PLXNA2: variants seen among roughly 807,000 people sequenced by gnomAD.
PLXNA2 encodes plexin-A2.
PLXNA2 carries 91 observed loss-of-function variants against 193.5 expected under a neutral mutation model. The ratio of observed to expected loss-of-function variants is 0.47; its 90% confidence interval spans 0.40 to 0.56. The LOEUF is 0.56. Among genes scored for constraint, PLXNA2 ranks in the 20% least tolerant of loss-of-function variants. The pLI is 0.00. For synonymous variants in PLXNA2, 997 were observed against 1,027.3 expected (o/e 0.97, Z 0.56); for missense variants, 1,995 against 2,503.2 (o/e 0.80, Z 4.33).
chr1:208,027,729 T>G (rs1664383400), intron 31 of PLXNA2, among the ~76,000 whole-genome samples: 1 of 152,240 alleles, frequency 6.6e-6, no homozygotes, highest in Non-Finnish European at 1.5e-5. Context: ...ATAGTTTGAT[T>G]CATTAAGAGA....
intron 9 of PLXNA2, among the ~76,000 whole-genome samples, chr1:208,087,916 C>T (rs1178176398): frequency 2.0e-5 from 3 of 152,164 alleles, no homozygotes; most frequent in Non-Finnish European, 4.4e-5. Flanking sequence ...GGTATACACA[C>T]ACACACAGGC....
At chr1:208,113,890 C>A (rs1370515578) in intron 4 of PLXNA2, among the ~76,000 whole-genome samples, 1 of 151,980 alleles carries the variant, frequency 6.6e-6, no homozygotes, top group African/African-American at 2.4e-5. Flanking sequence ...GTGCTTATGG[C>A]CTTTTTAAGC....
chr1:208,084,292 C>T (rs970090623), intron 10 of PLXNA2, 88 bp downstream of exon 10: 157 of 1,411,078 alleles, frequency 1.1e-4, no homozygotes, highest in East Asian at 3.4e-4. Flanking sequence ...TGGAAGGCTC[C>T]GGAAGCCAGG....
intron 2 of PLXNA2, among the ~76,000 whole-genome samples, chr1:208,212,062 T>G (rs1049902474): frequency 2.0e-5 from 3 of 152,156 alleles, no homozygotes; most frequent in African/African-American, 7.2e-5. Flanking sequence ...CCGCATCCTG[T>G]GGCAGCTGTT....
intron 11 of PLXNA2, among the ~76,000 whole-genome samples, chr1:208,079,826 T>G (rs1432648982): frequency 6.6e-6 from 1 of 152,166 alleles, no homozygotes; most frequent in Non-Finnish European, 1.5e-5. Flanking sequence ...TAATGTATAT[T>G]AAGTGCTTAG....
At chr1:208,184,341 T>C (rs1256443706) in intron 3 of PLXNA2, among the ~76,000 whole-genome samples, 2 of 151,882 alleles carry the variant, frequency 1.3e-5, no homozygotes, top group Admixed American at 6.6e-5. Flanking sequence ...ACGCTGTCTG[T>C]AGCAAAAGAG....
At chr1:208,062,841 C>T (rs1324226396) in intron 12 of PLXNA2, among the ~76,000 whole-genome samples, 1 of 152,106 alleles carries the variant, frequency 6.6e-6, no homozygotes, top group East Asian at 1.9e-4. Context: ...TAAAAATATG[C>T]AACAATAATC....
At chr1:208,092,655 G>C in intron 9 of PLXNA2, 131 bp downstream of exon 9, 1 of 579,868 alleles carries the variant, frequency 1.7e-6, no homozygotes, top group African/African-American at 1.9e-5. Context: ...CTAGCATGCA[G>C]AATTTCTGGC....
Position 208,088,826 on chromosome 1 carries a change from G to A in PLXNA2, c.2097+3960C>T, listed in dbSNP as rs116766156. On this transcript the variant is annotated intron_variant, in intron 9 of 31. Transcript: ENST00000367033. ...TGGATTGACAATTGTTAATATTACC[G>A]CCTATTTGTGGTGTGTGTGCGTGTG... is the stretch of plus-strand genomic sequence containing the variant. 3.7e-3 allele frequency among the ~76,000 whole-genome samples: 571 copies of A among 152,274 alleles called. 6 individuals are homozygous for A. Among genetic ancestry groups the A allele is most frequent in the African/African-American group, 0.013 (538 of 41,554 alleles).
chr1:208,127,896 T>C (rs1241000926), intron 4 of PLXNA2, among the ~76,000 whole-genome samples: 2 of 152,178 alleles, frequency 1.3e-5, no homozygotes, highest in Non-Finnish European at 2.9e-5. Context: ...TCAATAGCTC[T>C]GACTGCCCCT....
At position 208,082,456 on chromosome 1, in the gene PLXNA2, A is replaced by T. The variant is rs762663943; in HGVS notation, c.2351T>A (p.Val784Glu). 13 of 1,614,106 alleles carry T rather than the reference A, an allele frequency of 8.1e-6. No homozygotes were observed. The South Asian group carries it at 1.4e-4, about 18-fold the overall frequency. Residue 784 changes from valine to glutamate, a missense_variant, in exon 11 of 32, where the codon GTG becomes GAG. Physicochemically the swap from Val to Glu is moderately radical, Grantham distance 121. Transcript: ENST00000367033. The surrounding 1 kb of genome is among the most constrained non-coding windows in gnomAD (Gnocchi z 4.2). ...GTCAATGATGAAATTGCCGTTCCAC[A>T]CCACAGCGAAATCCACGGCCAGATT... is the stretch of plus-strand genomic sequence containing the variant. ...ISNLAVDFAV[V>E]WNGNFIIDNP...
At chr1:208,130,847 A>T (rs1348416705) in intron 4 of PLXNA2, among the ~76,000 whole-genome samples, 1 of 152,242 alleles carries the variant, frequency 6.6e-6, no homozygotes. Context: ...AGCATGTGCC[A>T]GTGGCTGGCC....
chr1:208,113,574 C>T (rs1194105725), intron 4 of PLXNA2, among the ~76,000 whole-genome samples: 2 of 103,002 alleles, frequency 1.9e-5, no homozygotes, highest in Non-Finnish European at 3.6e-5. Flanking sequence ...TTTTGAGATG[C>T]GGTCTTGCTC....
chr1:208,145,142 G>A (rs1558214729), intron 3 of PLXNA2, among the ~76,000 whole-genome samples: 1 of 152,226 alleles, frequency 6.6e-6, no homozygotes, highest in Admixed American at 6.5e-5. Flanking sequence ...AGATGTGATT[G>A]CCATGACTTC....
rs1057100389 is a variant in PLXNA2 at position 208,038,005 on chromosome 1, G to T, written c.4764+366C>A. 1.3e-5 allele frequency among the ~76,000 whole-genome samples: 2 copies of T among 152,212 alleles called. No homozygotes were observed. Among genetic ancestry groups the T allele is most frequent in the Non-Finnish European group, 2.9e-5 (2 of 68,034 alleles). On this transcript the variant is annotated intron_variant, in intron 26 of 31. Transcript: ENST00000367033. This position sits in a 1 kb window ranked among gnomAD's most constrained non-coding sequence, Gnocchi z 4.1. ...TAGTAAGATGCTAAAGAGAGAAAGT[G>T]CCAGGTACCTTAAGGTAGTTGTCCA...
intron 4 of PLXNA2, among the ~76,000 whole-genome samples, chr1:208,135,708 T>C (rs1668281126): frequency 6.6e-6 from 1 of 152,192 alleles, no homozygotes; most frequent in Non-Finnish European, 1.5e-5. Context: ...GGGTGCTCTC[T>C]GGGCCTCGTC....
rs374271289 is a variant in PLXNA2 at position 208,114,773 on chromosome 1, A to T, written c.1507-11526T>A. On this transcript the variant is annotated intron_variant, in intron 4 of 31. Coordinates refer to ENST00000367033, the MANE Select transcript of PLXNA2 (RefSeq NM_025179.4). ...GTTCCCTTGGGCAGAACTATAGAGAATTGTCTTGTCCATCACAGCTTCCTA... is the reference window on the plus strand; with the variant it reads ...GTTCCCTTGGGCAGAACTATAGAGATTTGTCTTGTCCATCACAGCTTCCTA... 1.5e-4 allele frequency among the ~76,000 whole-genome samples: 23 copies of T among 152,242 alleles called. No homozygotes were observed. In the East Asian group the frequency reaches 2.9e-3, roughly 19 times the overall value.
At chr1:208,207,408 T>C (rs1194383269) in intron 3 of PLXNA2, among the ~76,000 whole-genome samples, 2 of 152,236 alleles carry the variant, frequency 1.3e-5, no homozygotes, top group East Asian at 1.9e-4. Flanking sequence ...CTATGCATCT[T>C]GCAGAAAGCA....
chr1:208,056,004 T>C (rs1028748223), intron 13 of PLXNA2, among the ~76,000 whole-genome samples: 3 of 152,226 alleles, frequency 2.0e-5, no homozygotes, highest in Non-Finnish European at 2.9e-5. Context: ...GGAAACATGA[T>C]AGTGATGATC....
Sources: allele counts gnomAD v4.1 joint callset (sites outside exome capture counted in the v4.1 genomes callset), GRCh38; gene constraint gnomAD v4.1.1; non-coding constraint Gnocchi (gnomAD v3.1); transcripts MANE v1.5; gene names NCBI Gene and HGNC (gene_info 2026-07-23, HGNC 2026-07-21).